The following GC variants were observed in gnomAD, a reference collection of about 807,000 sequenced individuals.
GC encodes the protein vitamin D-binding protein.
GC carries 43 observed loss-of-function variants against 56.7 expected under a neutral mutation model. The observed-to-expected ratio is 0.76, with a 90% CI of 0.59 to 0.98. The LOEUF is 0.98. GC is among the 50% of genes least tolerant of loss of function. The pLI, the probability that GC is intolerant of heterozygous loss-of-function variation, is 0.00. For synonymous variants in GC, 216 were observed against 202.7 expected, an observed-to-expected ratio of 1.07 and a Z score of -0.56; for missense variants, 529 against 545.9, an observed-to-expected ratio of 0.97 and a Z score of 0.31.
At chr4:71,804,152 A>C (rs1196559940), upstream of GC, 1 of 596,054 alleles carries the variant, frequency 1.7e-6, no homozygotes, top group Non-Finnish European at 3.0e-6. Context: ...AATGGATGAA[A>C]GGAATAGTCA....
rs1039087002 is a variant in GC at position 71,760,265 on chromosome 4, G to A, written c.702-2094C>T. ...GACGGGGTTTCATCGTGTTAGCCAG[G>A]ATGATCTCGATCTCCTGACCTTGTG... On this transcript the variant is annotated intron_variant, in intron 6 of 12. Transcript: ENST00000273951. 2.0e-5 allele frequency among the ~76,000 whole-genome samples: 3 copies of A among 151,542 alleles called. No individual in the cohort carries two copies. In the East Asian group the frequency reaches 5.8e-4, roughly 29 times the overall value.
chr4:71,777,061 A>G (rs1429771879), intron 1 of GC, among the ~76,000 whole-genome samples: 2 of 151,876 alleles, frequency 1.3e-5, no homozygotes. Context: ...AAGATTAGTA[A>G]TTTATCTTTT....
intron 1 of GC, among the ~76,000 whole-genome samples, chr4:71,771,465 G>A (rs1257595296): frequency 6.6e-6 from 1 of 151,952 alleles, no homozygotes; most frequent in African/African-American, 2.4e-5. Flanking sequence ...ATATTTTTGA[G>A]GTGAGAAAAG....
upstream of GC, among the ~76,000 whole-genome samples, chr4:71,786,689 T>G (rs780472279): frequency 6.6e-6 from 1 of 151,832 alleles, no homozygotes; most frequent in Non-Finnish European, 1.5e-5. Context: ...TCTTTAGTTC[T>G]TTTCTCTATC....
chr4:71,754,783 T>C (rs1389510813), intron 9 of GC, among the ~76,000 whole-genome samples, 195 bp downstream of exon 9: 2 of 152,224 alleles, frequency 1.3e-5, no homozygotes, highest in African/African-American at 4.8e-5. Flanking sequence ...AATTTGAATT[T>C]TGAATAATTT....
intron 1 of GC, among the ~76,000 whole-genome samples, chr4:71,772,893 A>G (rs1232979600): frequency 6.6e-6 from 1 of 152,144 alleles, no homozygotes; most frequent in Non-Finnish European, 1.5e-5. Context: ...AAGAGAAGAT[A>G]TCTAGCTTAC....
Position 71,758,191 on chromosome 4 carries a change from TA to T in GC, c.702-21del, listed in dbSNP as rs770672042. On this transcript the variant is annotated intron_variant, in intron 6 of 12. Coordinates refer to ENST00000273951, the MANE Select transcript of GC (RefSeq NM_000583.4). ...AGATTGCTAAACAGTTAAAAATAAA[TA>T]TGTTAGCTTATCAACATTCTCAGTT... 23 of 1,600,416 alleles carry T rather than the reference TA, an allele frequency of 1.4e-5. No homozygotes were observed. In the South Asian group the frequency reaches 2.3e-4, roughly 16 times the overall value.
intron 11 of GC, among the ~76,000 whole-genome samples, chr4:71,746,996 A>C (rs918400208): frequency 1.3e-5 from 2 of 152,066 alleles, no homozygotes; most frequent in African/African-American, 4.8e-5. Flanking sequence ...AGAATGTAGA[A>C]GAATGTGGGT....
chr4:71,758,212 T>C lies in GC; in HGVS notation c.702-41A>G, dbSNP rs112895006. 2,232 of 1,579,316 alleles carry C rather than the reference T, an allele frequency of 1.4e-3. 34 individuals are homozygous for C. In the African/African-American group the frequency reaches 0.027, roughly 19 times the overall value. ...TAAATATGTTAGCTTATCAACATTC[T>C]CAGTTTTCTTGGTTTCGTGATGAAC... is the stretch of plus-strand genomic sequence containing the variant. On this transcript the variant is annotated intron_variant, in intron 6 of 12. Transcript: ENST00000273951.
At chr4:71,785,552 A>C (rs1047485149), upstream of GC, among the ~76,000 whole-genome samples, 1 of 151,762 alleles carries the variant, frequency 6.6e-6, no homozygotes, top group African/African-American at 2.4e-5. Context: ...AATAGAGTCC[A>C]GCTAGTTGGA....
chr4:71,795,128 T>C (rs1025502376), intron 1 of GC, among the ~76,000 whole-genome samples: 2 of 152,212 alleles, frequency 1.3e-5, no homozygotes, highest in Non-Finnish European at 2.9e-5. Flanking sequence ...GAAGAATGTA[T>C]ATTCTGTTGA....
At chr4:71,780,452 C>T (rs1742637047) in intron 1 of GC, among the ~76,000 whole-genome samples, 1 of 152,022 alleles carries the variant, frequency 6.6e-6, no homozygotes, top group African/African-American at 2.4e-5. Flanking sequence ...CAGCAACCTA[C>T]AGAATGGGAG....
upstream of GC, among the ~76,000 whole-genome samples, chr4:71,804,730 C>T (rs142722565): frequency 4.9e-4 from 75 of 152,178 alleles, 1 homozygote; most frequent in East Asian, 5.4e-3. Context: ...TTCATATACC[C>T]AATTGCCTTG....
At chr4:71,787,393 T>C (rs372158185), upstream of GC, among the ~76,000 whole-genome samples, 2 of 151,968 alleles carry the variant, frequency 1.3e-5, no homozygotes, top group Non-Finnish European at 2.9e-5. Flanking sequence ...TTCTTCTTTC[T>C]TCCCTTACTC....
At chr4:71,770,243 C>T (rs1230093342) in intron 1 of GC, among the ~76,000 whole-genome samples, 1 of 152,128 alleles carries the variant, frequency 6.6e-6, no homozygotes, top group Admixed American at 6.6e-5. Flanking sequence ...GTCATGTGAC[C>T]TGCAGACCTG....
chr4:71,803,877 A>G, intron 1 of GC: 1 of 1,064,558 alleles, frequency 9.4e-7, no homozygotes, highest in Middle Eastern at 2.0e-4. Flanking sequence ...ACTAAAGCTC[A>G]GAGAGTACCA....
chr4:71,789,966 AAATCTCC>A (rs1410540005), intron 1 of GC, among the ~76,000 whole-genome samples: 7 of 152,084 alleles, frequency 4.6e-5, no homozygotes, highest in South Asian at 4.1e-4. Flanking sequence ...AGGAGTGTTA[AAATCTCC>A]AATTCCCATT....
intron 1 of GC, among the ~76,000 whole-genome samples, chr4:71,778,909 A>ATTATTATTATTATTC (rs1425462095): frequency 1.4e-5 from 2 of 147,258 alleles, no homozygotes; most frequent in African/African-American, 5.1e-5. Flanking sequence ...TATTATTATT[A>ATTATTATTATTATTC]TTATTATTAT....
intron 1 of GC, among the ~76,000 whole-genome samples, chr4:71,774,266 G>C (rs1222916377): frequency 6.6e-6 from 1 of 151,976 alleles, no homozygotes; most frequent in East Asian, 1.9e-4. Flanking sequence ...AACGAAAACA[G>C]CAAAAGATAT....
Sources: gnomAD v4.1 joint callset for allele counts (sites outside exome capture counted in the v4.1 genomes callset) on GRCh38, gnomAD v4.1.1 for gene constraint, MANE v1.5 for transcripts, NCBI Gene and HGNC (gene_info 2026-07-23, HGNC 2026-07-21) for gene names.